NDC80: variants seen among roughly 807,000 people sequenced by gnomAD.
NDC80 encodes the protein NDC80 kinetochore complex component.
NDC80 carries 69 observed loss-of-function variants against 89.3 expected under a neutral mutation model. The ratio of observed to expected loss-of-function variants is 0.77; its 90% confidence interval spans 0.64 to 0.94. The LOEUF is 0.94. NDC80 is among the 40% of genes least tolerant of loss of function. The pLI is 0.00. For missense variants in NDC80, 593 were observed against 739.6 expected, an observed-to-expected ratio of 0.80 and a Z score of 2.30; for synonymous variants, 243 against 255.6, an observed-to-expected ratio of 0.95 and a Z score of 0.47.
chr18:2,574,538 A>G (rs543020543), intron 2 of NDC80, among the ~76,000 whole-genome samples: 1 of 152,314 alleles, frequency 6.6e-6, no homozygotes, highest in South Asian at 2.1e-4. Context: ...TCAGAAAGTA[A>G]TAATAATAAT....
At position 2,589,206 on chromosome 18, in the gene NDC80, G is replaced by T. The variant is rs769743316; in HGVS notation, c.766G>T (p.Asp256Tyr). Residue 256 changes from aspartate (D) to tyrosine (Y), a missense_variant and splice_region_variant, in exon 9 of 17, where the codon GAT becomes TAT. Coordinates refer to ENST00000261597, the MANE Select transcript of NDC80 (RefSeq NM_006101.3). ...AAGCTTTTGGATTTTGTCTCCAGAG[G>T]ATTTATTTAATGTGGATGCTTTTAA... ...MNAELQSKLK[D>Y]LFNVDAFKLE... 1 of 1,606,644 alleles carries T rather than the reference G, an allele frequency of 6.2e-7. No individual in the cohort carries two copies. Among genetic ancestry groups the T allele is most frequent in the Non-Finnish European group, 8.5e-7 (1 of 1,173,676 alleles).
intron 10 of NDC80, 68 bp from the exon 11 acceptor site, chr18:2,595,348 A>G: frequency 9.4e-7 from 1 of 1,067,008 alleles, no homozygotes. Flanking sequence ...TAGCTCTATT[A>G]CATGATGGCA....
At chr18:2,602,864 G>A (rs2143660568) in intron 13 of NDC80, among the ~76,000 whole-genome samples, 1 of 152,280 alleles carries the variant, frequency 6.6e-6, no homozygotes, top group South Asian at 2.1e-4. Flanking sequence ...AATGTTAGGA[G>A]ACTTAAACCA....
At chr18:2,583,028 C>G (rs1191888760) in intron 6 of NDC80, 1 of 152,224 alleles carries the variant, frequency 6.6e-6, no homozygotes, top group Non-Finnish European at 1.5e-5. Flanking sequence ...GGACTTGGAC[C>G]TGACTTATCC....
chr18:2,580,854 C>A (rs1024020801), intron 6 of NDC80, among the ~76,000 whole-genome samples: 1 of 148,058 alleles, frequency 6.8e-6, no homozygotes, highest in African/African-American at 2.5e-5. Context: ...CAGTTCTCTG[C>A]CTCAGCCTCC....
At chr18:2,574,488 T>C (rs1161688134) in intron 2 of NDC80, among the ~76,000 whole-genome samples, 2 of 152,174 alleles carry the variant, frequency 1.3e-5, no homozygotes, top group Non-Finnish European at 2.9e-5. Context: ...TAGGTACAAT[T>C]ATGTGTCAAT....
At position 2,594,028 on chromosome 18, in the gene NDC80, G is replaced by A. The variant is rs189361303; in HGVS notation, c.1016-1388G>A. The stretch of plus-strand genomic sequence containing the variant: ...AGTGATTCACGTGCCTCAGCCACCC[G>A]AGTAGCTGGGATTACAGGCATGCGC... On this transcript the variant is annotated intron_variant, in intron 10 of 16. Transcript: ENST00000261597. The A allele has an allele frequency of 2.5e-3, 436 of 171,664 alleles. 2 individuals carry two copies. The highest frequency in any genetic ancestry group is 3.8e-3 in the Non-Finnish European group (312 of 81,594). 10.6% of individuals were successfully genotyped at this position (171,664 alleles called of 1,614,324 possible). A position where few individuals can be genotyped will look rare whatever the true frequency, so the allele number is the denominator to read the frequency against.
intron 6 of NDC80, among the ~76,000 whole-genome samples, chr18:2,580,251 A>G (rs1423423547): frequency 6.6e-6 from 1 of 151,930 alleles, no homozygotes; most frequent in African/African-American, 2.4e-5. Context: ...TTGATTTGCA[A>G]GGGTGCCATT....
chr18:2,581,408 C>A (rs1389812437), intron 6 of NDC80, among the ~76,000 whole-genome samples: 1 of 152,162 alleles, frequency 6.6e-6, no homozygotes, highest in Admixed American at 6.5e-5. Flanking sequence ...TGCCTGTAAT[C>A]CCAGCACTTT....
chr18:2,595,965 G>T (rs530632938), intron 11 of NDC80, among the ~76,000 whole-genome samples: 1 of 152,156 alleles, frequency 6.6e-6, no homozygotes, highest in Non-Finnish European at 1.5e-5. Flanking sequence ...TTGAACATCC[G>T]CTGTGTGTCA....
At chr18:2,589,853 C>T (rs1450956666) in intron 9 of NDC80, among the ~76,000 whole-genome samples, 165 bp from the exon 10 acceptor site, 2 of 133,080 alleles carry the variant, frequency 1.5e-5, no homozygotes, top group African/African-American at 3.9e-5. Flanking sequence ...CTATTTCAAA[C>T]TGACAGTGTA....
At chr18:2,598,244 T>G (rs1344373398) in intron 11 of NDC80, among the ~76,000 whole-genome samples, 1 of 152,218 alleles carries the variant, frequency 6.6e-6, no homozygotes, top group Non-Finnish European at 1.5e-5. Context: ...AGTATGTGTT[T>G]AATGGAGGAA....
chr18:2,571,954 T>C (rs2072516396), intron 1 of NDC80, among the ~76,000 whole-genome samples: 1 of 151,828 alleles, frequency 6.6e-6, no homozygotes, highest in African/African-American at 2.4e-5. Context: ...CGGGGAAGAA[T>C]TGAAGGGGGC....
intron 8 of NDC80, 72 bp from the exon 9 acceptor site, chr18:2,589,132 A>AG: frequency 1.1e-6 from 1 of 927,418 alleles, no homozygotes; most frequent in South Asian, 1.3e-5. Flanking sequence ...GGAGGGAGTA[A>AG]TGGTGAAAAC....
At chr18:2,581,082 T>C (rs375317680) in intron 6 of NDC80, among the ~76,000 whole-genome samples, 112 of 152,232 alleles carry the variant, frequency 7.4e-4, no homozygotes, top group African/African-American at 2.6e-3. Context: ...CCTTTTTATA[T>C]TGCTTTGCAT....
In NDC80 at chr18:2,575,937, T is replaced by C. The variant is rs535483106; in HGVS notation, c.179+871T>C. Among the ~76,000 whole-genome samples, 17 of 152,162 alleles carry C rather than the reference T, an allele frequency of 1.1e-4. No individual in the cohort carries two copies. In the South Asian group the frequency reaches 3.1e-3, roughly 28 times the overall value. ...GACTCTGTCTCAAAAAGAAACTTTT[T>C]TCAATTTAAAAATTAGCCAAGCATC... On this transcript the variant is annotated intron_variant, in intron 3 of 16. Transcript: ENST00000261597.
At chr18:2,590,700 TCA>T (rs2039240294) in intron 10 of NDC80, among the ~76,000 whole-genome samples, 1 of 152,204 alleles carries the variant, frequency 6.6e-6, no homozygotes. Context: ...TAAGGTAATT[TCA>T]CAGTTTCCAG....
chr18:2,598,196 A>G (rs7242182), intron 11 of NDC80, among the ~76,000 whole-genome samples: 68,984 of 152,046 alleles, frequency 0.45, 16,568 homozygotes, highest in East Asian at 0.68. Flanking sequence ...CTTCACTCAA[A>G]TTGATTTTTA....
chr18:2,599,195 A>C, intron 12 of NDC80, 24 bp downstream of exon 12: 2 of 1,582,096 alleles, frequency 1.3e-6, no homozygotes, highest in Non-Finnish European at 1.7e-6. Context: ...ACTACTTTTA[A>C]GATTTTTTTA....
Sources: gnomAD v4.1 joint callset for allele counts (sites outside exome capture counted in the v4.1 genomes callset) on GRCh38, gnomAD v4.1.1 for gene constraint, MANE v1.5 for transcripts, NCBI Gene and HGNC (gene_info 2026-07-23, HGNC 2026-07-21) for gene names.